The following CRPPA variants were observed in gnomAD, a reference collection of about 807,000 sequenced individuals.
CRPPA encodes D-ribitol-5-phosphate cytidylyltransferase.
A neutral mutation model predicts 52.0 loss-of-function variants in CRPPA; 43 were observed. The ratio of observed to expected loss-of-function variants is 0.83; its 90% CI spans 0.65 to 1.07. The LOEUF (loss-of-function observed/expected upper bound fraction) is 1.07, where lower values mean the gene tolerates loss of function less well. CRPPA is among the 50% of genes least tolerant of loss of function. CRPPA has a pLI of 0.00. For missense variants in CRPPA, 629 were observed against 551.7 expected (o/e 1.14, Z -1.40); for synonymous variants, 250 against 203.5 (o/e 1.23, Z -1.94).
chr7:16,199,460 G>A (rs958811774), intron 9 of CRPPA, among the ~76,000 whole-genome samples: 4 of 152,020 alleles, frequency 2.6e-5, no homozygotes, highest in Non-Finnish European at 5.9e-5. Context: ...CAATAAAATG[G>A]ATAATAAAAG....
chr7:16,311,979 T>C (rs1005721551), intron 3 of CRPPA, among the ~76,000 whole-genome samples: 2 of 152,064 alleles, frequency 1.3e-5, no homozygotes, highest in Admixed American at 1.3e-4. Context: ...ATAGATCCAT[T>C]TATCTATTCT....
chr7:16,415,705 C>T (rs73291276), intron 1 of CRPPA, among the ~76,000 whole-genome samples: 15,594 of 152,152 alleles, frequency 0.1, 981 homozygotes, highest in East Asian at 0.25. Flanking sequence ...TAGGTTACCA[C>T]GCGCCTAGCT....
intron 9 of CRPPA, among the ~76,000 whole-genome samples, chr7:16,125,543 G>A (rs1413382463): frequency 1.3e-5 from 2 of 152,062 alleles, no homozygotes; most frequent in Non-Finnish European, 2.9e-5. Flanking sequence ...TGAAGATAAT[G>A]TAGGAAAGCT....
chr7:16,169,596 G>GA (rs1443791669), intron 9 of CRPPA, among the ~76,000 whole-genome samples: 1 of 152,136 alleles, frequency 6.6e-6, no homozygotes. Flanking sequence ...TTAAATTCAA[G>GA]AAAAAAATAT....
rs1783727597 is a variant in CRPPA at position 16,259,156 on chromosome 7, A to G, written c.934-144T>C. 1.1e-5 allele frequency: 6 copies of G among 544,180 alleles called. No individual in the cohort carries two copies. In the South Asian group the frequency reaches 1.6e-4, roughly 15 times the overall value. 33.7% of individuals were successfully genotyped at this position (544,180 alleles called of 1,614,324 possible). On this transcript the variant is annotated intron_variant, in intron 6 of 9. Coordinates refer to ENST00000407010, the MANE Select transcript of CRPPA (RefSeq NM_001101426.4). Reference sequence around the variant, plus strand: ...AAAAAAATGAAACATGCTGAAGTTCATCAGGCTATCAAGAAATAGTCATTT... The same window carrying G: ...AAAAAAATGAAACATGCTGAAGTTCGTCAGGCTATCAAGAAATAGTCATTT...
In CRPPA at chr7:16,286,066, T is replaced by TTTAAAAAAAAA. The variant is rs1562608525; in HGVS notation, c.836-7841_836-7840insTTTTTTTTTAA. Among the ~76,000 whole-genome samples, 13 of 25,830 alleles carry TTTAAAAAAAAA rather than the reference T, an allele frequency of 5.0e-4. 1 individual carries two copies. The highest frequency in any genetic ancestry group is 1.8e-3 in the African/African-American group (8 of 4,408). 16.9% of individuals were successfully genotyped at this position (25,830 alleles called of 152,430 possible). On this transcript the variant is annotated intron_variant, in intron 5 of 9. Coordinates refer to ENST00000407010, the MANE Select transcript of CRPPA (RefSeq NM_001101426.4). ...ATAAATATATATATATATATATATATATATATATATATATAATATTTAAAA... is the reference window on the plus strand; with the variant it reads ...ATAAATATATATATATATATATATATTTAAAAAAAAAATATATATATATATAATATTTAAAA...
intron 8 of CRPPA, among the ~76,000 whole-genome samples, chr7:16,252,261 T>C (rs1010060550): frequency 6.6e-6 from 1 of 152,156 alleles, no homozygotes; most frequent in Non-Finnish European, 1.5e-5. Context: ...TGCAAATCAA[T>C]AAATGTAACC....
chr7:16,253,162 G>A (rs1046922388), intron 8 of CRPPA, among the ~76,000 whole-genome samples: 1 of 152,104 alleles, frequency 6.6e-6, no homozygotes, highest in Non-Finnish European at 1.5e-5. Flanking sequence ...GAATGTGTTT[G>A]CTCAAGCTTC....
At chr7:16,124,889 C>A (rs17359294) in intron 9 of CRPPA, among the ~76,000 whole-genome samples, 22 of 151,688 alleles carry the variant, frequency 1.5e-4, no homozygotes, top group Admixed American at 7.2e-4. Context: ...ATATAATCTC[C>A]TATTTTCATT....
At chr7:16,327,488 G>A (rs1785436866) in intron 3 of CRPPA, among the ~76,000 whole-genome samples, 1 of 151,878 alleles carries the variant, frequency 6.6e-6, no homozygotes, top group South Asian at 2.1e-4. Context: ...AGCTACTCTG[G>A]AGGCTGAGGC....
At chr7:16,397,176 C>T (rs1787610522) in intron 2 of CRPPA, among the ~76,000 whole-genome samples, 1 of 152,240 alleles carries the variant, frequency 6.6e-6, no homozygotes, top group South Asian at 2.1e-4. Flanking sequence ...AATGACACGA[C>T]ACATTATCAA....
Position 16,216,421 on chromosome 7 carries a change from C to G in CRPPA, c.1120-224G>C, listed in dbSNP as rs376229041. On this transcript the variant is annotated intron_variant, in intron 8 of 9. Coordinates refer to ENST00000407010, the MANE Select transcript of CRPPA (RefSeq NM_001101426.4). ...CTCAGAGAAAACGAGGTTGAAAAACCAAATGCTGGGGAGGAGCCAAGATGG... is the reference window on the plus strand; with the variant it reads ...CTCAGAGAAAACGAGGTTGAAAAACGAAATGCTGGGGAGGAGCCAAGATGG... 48 of 338,324 alleles carry G rather than the reference C, an allele frequency of 1.4e-4. No homozygotes were observed. In the East Asian group the frequency reaches 2.4e-3, roughly 17 times the overall value. The allele number at this position is 338,324 out of a possible 1,614,324, so 21.0% of individuals were successfully genotyped here.
At chr7:16,246,496 T>G (rs1783279257) in intron 8 of CRPPA, among the ~76,000 whole-genome samples, 1 of 152,196 alleles carries the variant, frequency 6.6e-6, no homozygotes, top group Admixed American at 6.5e-5. Flanking sequence ...GGTTTTCAAT[T>G]TACTTTGCTC....
chr7:16,091,702 A>T lies in CRPPA; in HGVS notation c.1349T>A (p.Ile450Lys). Residue 450 changes from isoleucine to lysine, a missense_variant, in exon 10 of 10, where the codon ATA becomes AAA. By Grantham distance (102) the Ile-to-Lys change is moderately radical. Coordinates refer to ENST00000407010, the MANE Select transcript of CRPPA (RefSeq NM_001101426.4). ...GGTAATTTTTTGTGTTCTTCATGCT[A>T]TCAGAAGCTGACCAATGAGTCCAGA... ...RNSGLIGQLL[I>K]A 6.5e-7 allele frequency: 1 copy of T among 1,543,938 alleles called. No homozygotes were observed. The highest frequency in any genetic ancestry group is 1.2e-5 in the South Asian group (1 of 82,558).
chr7:16,223,477 G>A (rs539116903), intron 8 of CRPPA, among the ~76,000 whole-genome samples: 1 of 152,272 alleles, frequency 6.6e-6, no homozygotes, highest in African/African-American at 2.4e-5. Flanking sequence ...CAAGCATGAA[G>A]AAGTAGATGC....
intron 3 of CRPPA, among the ~76,000 whole-genome samples, chr7:16,315,363 G>T (rs1007904557): frequency 6.6e-6 from 1 of 152,082 alleles, no homozygotes; most frequent in Non-Finnish European, 1.5e-5. Flanking sequence ...ATCTGGGTCT[G>T]GTTCTTATGC....
At chr7:16,161,174 T>G (rs1266270565) in intron 9 of CRPPA, among the ~76,000 whole-genome samples, 1 of 152,162 alleles carries the variant, frequency 6.6e-6, no homozygotes, top group Non-Finnish European at 1.5e-5. Flanking sequence ...ATACGCTTTA[T>G]TTCTTTCTCT....
intron 5 of CRPPA, among the ~76,000 whole-genome samples, chr7:16,299,420 A>C (rs1562616851): frequency 6.6e-6 from 1 of 152,206 alleles, no homozygotes; most frequent in Non-Finnish European, 1.5e-5. Flanking sequence ...GATGTCTGGA[A>C]TTTAATGTAC....
At chr7:16,147,454 C>A (rs891274137) in intron 9 of CRPPA, among the ~76,000 whole-genome samples, 4 of 152,178 alleles carry the variant, frequency 2.6e-5, no homozygotes, top group African/African-American at 9.7e-5. Context: ...ACTTATCAGT[C>A]ACAAACAAAT....
Sources: gnomAD v4.1 joint callset for allele counts (sites outside exome capture counted in the v4.1 genomes callset) on GRCh38, gnomAD v4.1.1 for gene constraint, MANE v1.5 for transcripts, NCBI Gene and HGNC (gene_info 2026-07-23, HGNC 2026-07-21) for gene names.